RALYL: variants seen among roughly 807,000 people sequenced by gnomAD.
The protein encoded by RALYL is RALY RNA binding protein like.
RALYL carries 29 observed loss-of-function variants against 35.1 expected under a neutral mutation model. That is an observed-to-expected ratio of 0.83 (90% CI 0.61 to 1.13). RALYL has a LOEUF of 1.13. Among genes scored for constraint, RALYL ranks in the 50% most tolerant of loss-of-function variants. The probability of loss-of-function intolerance (pLI) is 0.00; values close to 1 mark genes in which losing one functional copy is unlikely to be tolerated. For synonymous variants in RALYL, 120 were observed against 127.6 expected (o/e 0.94, Z 0.40); for missense variants, 359 against 360.4 (o/e 1.00, Z 0.03).
intron 2 of RALYL, among the ~76,000 whole-genome samples, chr8:84,762,483 A>G (rs1158841774): frequency 6.6e-6 from 1 of 152,178 alleles, no homozygotes; most frequent in East Asian, 1.9e-4. Context: ...ACATATGCTC[A>G]TAGACACTTT....
chr8:84,552,338 G>T (rs544001682), intron 2 of RALYL, among the ~76,000 whole-genome samples: 103 of 73,908 alleles, frequency 1.4e-3, no homozygotes, highest in African/African-American at 6.5e-3. Context: ...GGATGTGTGT[G>T]TATATATATA....
At chr8:84,845,823 A>G (rs1040456130) in intron 4 of RALYL, among the ~76,000 whole-genome samples, 1 of 152,164 alleles carries the variant, frequency 6.6e-6, no homozygotes, top group African/African-American at 2.4e-5. Flanking sequence ...GTTTTTGTAT[A>G]TGGTGAAAGG....
At chr8:84,483,998 T>C (rs2054325696) in intron 1 of RALYL, among the ~76,000 whole-genome samples, 1 of 152,190 alleles carries the variant, frequency 6.6e-6, no homozygotes, top group Admixed American at 6.6e-5. Context: ...AATTAAGATG[T>C]GTTTTTAAAA....
intron 2 of RALYL, among the ~76,000 whole-genome samples, chr8:84,588,166 C>T (rs1211155333): frequency 6.6e-6 from 1 of 152,112 alleles, no homozygotes; most frequent in Non-Finnish European, 1.5e-5. Flanking sequence ...ATGTGCATTT[C>T]AGGGGAGTTA....
intron 1 of RALYL, among the ~76,000 whole-genome samples, chr8:84,307,795 T>C (rs1157831427): frequency 6.6e-6 from 1 of 152,156 alleles, no homozygotes; most frequent in Admixed American, 6.5e-5. Flanking sequence ...GGACTACATC[T>C]TTTATTTGCA....
chr8:84,562,492 T>G (rs975695457), intron 2 of RALYL, among the ~76,000 whole-genome samples: 1 of 151,970 alleles, frequency 6.6e-6, no homozygotes, highest in African/African-American at 2.4e-5. Flanking sequence ...TTAATAAAAT[T>G]TGTTTTTTCC....
intron 6 of RALYL, chr8:84,864,933 T>A (rs1048154582): frequency 8.2e-6 from 2 of 242,448 alleles, no homozygotes; most frequent in Non-Finnish European, 1.6e-5. Context: ...AACAGACTGA[T>A]CTATTCTATT....
rs73304845 is a variant in RALYL at position 84,266,277 on chromosome 8, T to G, written c.-24+81853T>G. The stretch of plus-strand genomic sequence containing the variant: ...CAATGTATTTACTTCCTGGCATACT[T>G]TGCGAATTCAAACCCTAGTTCTCTT... On this transcript the variant is annotated intron_variant, in intron 1 of 8. Coordinates refer to ENST00000521268, the MANE Select transcript of RALYL (RefSeq NM_173848.7). 2.4e-3 allele frequency among the ~76,000 whole-genome samples: 362 copies of G among 152,290 alleles called. 1 individual carries two copies. Among genetic ancestry groups the G allele is most frequent in the African/African-American group, 7.9e-3 (330 of 41,580 alleles).
At chr8:84,656,105 GTTTGT>G (rs371834534) in intron 2 of RALYL, among the ~76,000 whole-genome samples, 21 of 152,062 alleles carry the variant, frequency 1.4e-4, no homozygotes, top group African/African-American at 3.4e-4. Context: ...GTTATTTTTT[GTTTGT>G]TTTGTTTTGT....
intron 4 of RALYL, among the ~76,000 whole-genome samples, chr8:84,807,003 C>T (rs575210757): frequency 2.6e-5 from 4 of 152,112 alleles, no homozygotes; most frequent in South Asian, 4.2e-4. Flanking sequence ...AAAGTGAGAC[C>T]CTGTCTCAAA....
chr8:84,411,422 C>G (rs1048966380), intron 1 of RALYL, among the ~76,000 whole-genome samples: 1 of 151,880 alleles, frequency 6.6e-6, no homozygotes, highest in Non-Finnish European at 1.5e-5. Context: ...TGTCATCATA[C>G]TGCTTCTATT....
chr8:84,563,427 G>A (rs762836054), intron 2 of RALYL, among the ~76,000 whole-genome samples: 2 of 151,800 alleles, frequency 1.3e-5, no homozygotes, highest in Admixed American at 6.6e-5. Flanking sequence ...CTATTACATT[G>A]GCACTCACAC....
intron 2 of RALYL, among the ~76,000 whole-genome samples, chr8:84,681,087 G>GC: frequency 2.6e-5 from 4 of 152,010 alleles, no homozygotes; most frequent in Non-Finnish European, 5.9e-5. Flanking sequence ...AGTTTTCCCA[G>GC]GACCATTTAT....
intron 2 of RALYL, chr8:84,706,060 T>G (rs1389176755): frequency 1.3e-6 from 2 of 1,534,924 alleles, no homozygotes; most frequent in East Asian, 4.9e-5. Context: ...ACATCAGAGA[T>G]GTAAGTAAAA....
intron 1 of RALYL, among the ~76,000 whole-genome samples, chr8:84,219,302 T>C (rs1279748383): frequency 6.6e-6 from 1 of 152,058 alleles, no homozygotes; most frequent in African/African-American, 2.4e-5. Context: ...TAGTTCCTCT[T>C]GCATTCATTC....
At chr8:84,209,077 C>T (rs1204249834) in intron 1 of RALYL, among the ~76,000 whole-genome samples, 1 of 109,640 alleles carries the variant, frequency 9.1e-6, no homozygotes, top group African/African-American at 3.5e-5. Context: ...ATAATAAAAA[C>T]ATTTAAAAAG....
intron 2 of RALYL, among the ~76,000 whole-genome samples, chr8:84,692,260 T>C (rs1838214629): frequency 6.6e-6 from 1 of 152,028 alleles, no homozygotes; most frequent in Non-Finnish European, 1.5e-5. Context: ...AAAACATCCC[T>C]ATTTATAGAC....
chr8:84,829,183 G>A (rs1267283501), intron 4 of RALYL, among the ~76,000 whole-genome samples: 1 of 152,072 alleles, frequency 6.6e-6, no homozygotes, highest in African/African-American at 2.4e-5. Context: ...AAAGCCATCA[G>A]ATCTCCTGGG....
chr8:84,582,008 A>T (rs1178461281), intron 2 of RALYL, among the ~76,000 whole-genome samples: 5 of 152,182 alleles, frequency 3.3e-5, no homozygotes, highest in Admixed American at 3.3e-4. Context: ...GTAAGTGTCC[A>T]GATTGACAAT....
Sources: gnomAD v4.1 joint callset for allele counts (sites outside exome capture counted in the v4.1 genomes callset) on GRCh38, gnomAD v4.1.1 for gene constraint, MANE v1.5 for transcripts, NCBI Gene and HGNC (gene_info 2026-07-23, HGNC 2026-07-21) for gene names.